The following OTOP2 variants were observed in gnomAD, a reference collection of about 807,000 sequenced individuals.
OTOP2 encodes the protein otopetrin 2, also known as proton channel OTOP2.
In OTOP2, 41 loss-of-function variants were observed where a neutral mutation model predicts 47.4. That is an observed-to-expected ratio of 0.87 (90% confidence interval 0.67 to 1.12). The LOEUF (loss-of-function observed/expected upper bound fraction) is 1.12. OTOP2 is among the 50% of genes most tolerant of loss of function. The pLI is 0.00. For missense variants in OTOP2, 721 were observed against 752.2 expected, an observed-to-expected ratio of 0.96 and a Z score of 0.49; for synonymous variants, 328 against 319.6, an observed-to-expected ratio of 1.03 and a Z score of -0.28.
intron 2 of OTOP2, 105 bp downstream of exon 2, chr17:74,925,050 GCT>G: frequency 7.4e-7 from 1 of 1,347,142 alleles, no homozygotes; most frequent in Non-Finnish European, 9.9e-7. Flanking sequence ...AGGGCGAGAG[GCT>G]CCCTAGGGAG....
chr17:74,932,842 G>C (rs912877138), intron 6 of OTOP2, among the ~76,000 whole-genome samples: 3 of 152,198 alleles, frequency 2.0e-5, no homozygotes, highest in Non-Finnish European at 4.4e-5. Context: ...AGCCAGAGAG[G>C]AAGCAGGATT....
At chr17:74,925,449 C>A in intron 2 of OTOP2, 107 bp from the exon 3 acceptor site, 1 of 1,457,312 alleles carries the variant, frequency 6.9e-7, no homozygotes, top group Non-Finnish European at 9.4e-7. Context: ...CTCACCCATC[C>A]ACCCACCCAT....
In OTOP2 at chr17:74,924,682, G is replaced by A. The variant is rs766606023; in HGVS notation, c.50G>A (p.Arg17His). 5.0e-6 allele frequency: 8 copies of A among 1,598,094 alleles called. 1 individual carries two copies. In the East Asian group the frequency reaches 1.1e-4, roughly 22 times the overall value. ...CCCAAGGAGAGCCCCCCGGCGCCGC[G>A]TGCGGGCCCCAGGGAGGTGTGGAAG... ...QGPKESPPAP[R>H]AGPREVWKKG... The change falls in exon 2 of 7, where the codon CGT becomes CAT. Residue 17 changes from arginine to histidine, a missense_variant. Arg to His is a conservative substitution (Grantham distance 29, BLOSUM62 0). Coordinates refer to ENST00000331427, the MANE Select transcript of OTOP2 (RefSeq NM_178160.3). The surrounding 1 kb of genome is among the most constrained non-coding windows in gnomAD (Gnocchi z 7.7).
In OTOP2 at chr17:74,924,962, G is replaced by C. The variant is rs767451528; in HGVS notation, c.313+17G>C. On this transcript the variant is annotated intron_variant, in intron 2 of 6. Transcript: ENST00000331427. The surrounding 1 kb of genome is among the most constrained non-coding windows in gnomAD (Gnocchi z 7.7). Reference sequence around the variant, plus strand: ...GGCTCCGAGGTGCCAGGGGAGGTGGGGGCGAGGTAGGGTGGGCACAACAGG... The same window carrying C: ...GGCTCCGAGGTGCCAGGGGAGGTGGCGGCGAGGTAGGGTGGGCACAACAGG... The C allele has an allele frequency of 3.2e-5, 49 of 1,535,944 alleles. No homozygotes were observed. Among genetic ancestry groups the C allele is most frequent in the Non-Finnish European group, 4.1e-5 (47 of 1,138,684 alleles).
chr17:74,929,739 C>G (rs2039038498), intron 5 of OTOP2, among the ~76,000 whole-genome samples: 1 of 152,156 alleles, frequency 6.6e-6, no homozygotes, highest in African/African-American at 2.4e-5. Context: ...ACTGTTCTTA[C>G]TGAGCACTGA....
In OTOP2 at chr17:74,930,391, C is replaced by G. The variant is rs1429475850; in HGVS notation, c.756C>G (p.Leu252=). 4 of 1,614,202 alleles carry G rather than the reference C, an allele frequency of 2.5e-6. No homozygotes were observed. The South Asian group carries it at 4.4e-5, about 18-fold the overall frequency. ...ATCCCTTCAACATCGAGTACAGCCT[C>G]TTCGCCTCCACCATGCTGTATGTCA... is the stretch of plus-strand genomic sequence containing the variant. ...YLYPFNIEYS[L]FASTMLYVMW... Residue 252 remains leucine (L), a synonymous_variant, in exon 6 of 7, where the codon CTC becomes CTG. Transcript: ENST00000331427. This position sits in a 1 kb window ranked among gnomAD's most constrained non-coding sequence, Gnocchi z 4.0.
rs910546048 is a variant in OTOP2 at position 74,933,876 on chromosome 17, C to A, written c.*331C>A. 9.1e-6 allele frequency: 2 copies of A among 220,132 alleles called. No individual in the cohort carries two copies. Among genetic ancestry groups the A allele is most frequent in the Admixed American group, 5.3e-5 (1 of 19,024 alleles). The allele number at this position is 220,132 out of a possible 1,614,324, so 13.6% of individuals were successfully genotyped here. ...GCTGTGGCCTGGCCAGTGTACTGCC[C>A]GGAGCTGGAAACCAATAAACCTGTG... On this transcript the variant is annotated 3_prime_UTR_variant, in exon 7 of 7. Coordinates refer to ENST00000331427, the MANE Select transcript of OTOP2 (RefSeq NM_178160.3). This position sits in a 1 kb window ranked among gnomAD's most constrained non-coding sequence, Gnocchi z 4.7.
chr17:74,924,607 T>A lies in OTOP2; in HGVS notation c.-26T>A. ...TCCGCTCCTCCCCTACAGTGATCCC[T>A]CTAGCCTTCTCCAGTCGCCTCCGCC... On this transcript the variant is annotated 5_prime_UTR_variant, in exon 2 of 7. Coordinates refer to ENST00000331427, the MANE Select transcript of OTOP2 (RefSeq NM_178160.3). The surrounding 1 kb of genome is among the most constrained non-coding windows in gnomAD (Gnocchi z 7.7). 1 of 1,531,122 alleles carries A rather than the reference T, an allele frequency of 6.5e-7. No individual in the cohort carries two copies. Among genetic ancestry groups the A allele is most frequent in the Non-Finnish European group, 8.7e-7 (1 of 1,145,106 alleles). 94.8% of individuals were successfully genotyped at this position (1,531,122 alleles called of 1,614,324 possible).
At chr17:74,927,396 C>A in intron 4 of OTOP2, 115 bp downstream of exon 4, 1 of 1,249,574 alleles carries the variant, frequency 8.0e-7, no homozygotes, top group African/African-American at 1.5e-5. Flanking sequence ...GGTGGGGTTG[C>A]AGCCAAGCCC....
In OTOP2 at chr17:74,930,687, G is replaced by A. The variant is rs143874190; in HGVS notation, c.1052G>A (p.Arg351His). 2.2e-5 allele frequency: 36 copies of A among 1,613,920 alleles called. No homozygotes were observed. The highest frequency in any genetic ancestry group is 1.6e-4 in the Middle Eastern group (1 of 6,084). ...LVSLSGSIIYRFDRRAMDHHK... is the reference protein window; with the variant it reads ...LVSLSGSIIYHFDRRAMDHHK... ...AGCCTGAGCGGCTCCATCATCTACC[G>A]TTTTGACCGCCGGGCCATGGACCAC... The change falls in exon 6 of 7, where the codon CGT (arginine) becomes CAT (histidine). Residue 351 changes from arginine to histidine, a missense_variant. Physicochemically the swap from Arg to His is conservative, Grantham distance 29. Coordinates refer to ENST00000331427, the MANE Select transcript of OTOP2 (RefSeq NM_178160.3). The surrounding 1 kb of genome is among the most constrained non-coding windows in gnomAD (Gnocchi z 4.0).
chr17:74,927,066 C>T (rs1392428501), intron 3 of OTOP2, among the ~76,000 whole-genome samples, 157 bp from the exon 4 acceptor site: 2 of 152,246 alleles, frequency 1.3e-5, no homozygotes, highest in African/African-American at 2.4e-5. Context: ...TGAGCCACTG[C>T]ACCCAGCCTC....
intron 3 of OTOP2, among the ~76,000 whole-genome samples, chr17:74,926,882 A>G (rs1459215046): frequency 6.6e-6 from 1 of 151,966 alleles, no homozygotes; most frequent in African/African-American, 2.4e-5. Context: ...CAGCCTCCCA[A>G]GTAGCTGGGA....
At chr17:74,929,891 T>A (rs1358004091) in intron 5 of OTOP2, among the ~76,000 whole-genome samples, 1 of 149,772 alleles carries the variant, frequency 6.7e-6, no homozygotes, top group East Asian at 1.9e-4. Flanking sequence ...TTAACAAAGG[T>A]CACAAGCTAG....
intron 4 of OTOP2, 21 bp from the exon 5 acceptor site, chr17:74,927,644 C>A: frequency 1.9e-6 from 3 of 1,604,190 alleles, no homozygotes; most frequent in Non-Finnish European, 1.7e-6. Context: ...CCTCTTTGTC[C>A]CCACCCCTGA....
At chr17:74,932,636 C>T (rs2039070327) in intron 6 of OTOP2, among the ~76,000 whole-genome samples, 1 of 152,232 alleles carries the variant, frequency 6.6e-6, no homozygotes, top group Non-Finnish European at 1.5e-5. Flanking sequence ...TTCTGGGAGG[C>T]TATTCTTGCT....
At chr17:74,925,508 C>T in intron 2 of OTOP2, 48 bp from the exon 3 acceptor site, 1 of 1,602,388 alleles carries the variant, frequency 6.2e-7, no homozygotes, top group Non-Finnish European at 8.5e-7. Context: ...GGCCTTCTCT[C>T]CTGCCTCTTT....
chr17:74,925,087 TG>T, intron 2 of OTOP2, 142 bp downstream of exon 2: 1 of 1,088,134 alleles, frequency 9.2e-7, no homozygotes, highest in Non-Finnish European at 1.3e-6. Context: ...GAGGGTGAAG[TG>T]GGCTGCAGTT....
At position 74,925,671 on chromosome 17, in the gene OTOP2, G is replaced by A; in HGVS notation, c.429G>A (p.Gln143=). Residue 143 remains glutamine, a synonymous_variant, in exon 3 of 7, where the codon CAG becomes CAA. Coordinates refer to ENST00000331427, the MANE Select transcript of OTOP2 (RefSeq NM_178160.3). ...SAIKILHPLI[Q]AVFVIIQTYF... is the part of the protein sequence containing the mutation. Reference sequence around the variant, plus strand: ...TCAAGATCCTGCACCCCCTCATCCAGGCTGTGTTTGTCATCATCCAGGTGG... The same window carrying A: ...TCAAGATCCTGCACCCCCTCATCCAAGCTGTGTTTGTCATCATCCAGGTGG... 1 of 1,614,168 alleles carries A rather than the reference G, an allele frequency of 6.2e-7. No individual in the cohort carries two copies. Among genetic ancestry groups the A allele is most frequent in the Non-Finnish European group, 8.5e-7 (1 of 1,180,022 alleles).
In OTOP2 at chr17:74,930,513, C is replaced by T. The variant is rs1307002960; in HGVS notation, c.878C>T (p.Pro293Leu). Residue 293 changes from proline (P) to leucine (L), a missense_variant, in exon 6 of 7, where the codon CCG becomes CTG. By Grantham distance (98) the Pro-to-Leu change is moderately conservative. Coordinates refer to ENST00000331427, the MANE Select transcript of OTOP2 (RefSeq NM_178160.3). This position sits in a 1 kb window ranked among gnomAD's most constrained non-coding sequence, Gnocchi z 4.0. The part of the protein sequence containing the change: ...SLFRETFFAG[P>L]VLGLLLFVVG... The stretch of plus-strand genomic sequence containing the variant: ...TTCCGGGAGACCTTTTTTGCTGGCC[C>T]GGTTCTGGGCCTGCTGCTCTTCGTG... 5.6e-6 allele frequency: 9 copies of T among 1,612,828 alleles called. No homozygotes were observed. Among genetic ancestry groups the T allele is most frequent in the South Asian group, 1.1e-5 (1 of 91,054 alleles).
Sources: allele counts gnomAD v4.1 joint callset (sites outside exome capture counted in the v4.1 genomes callset), GRCh38; gene constraint gnomAD v4.1.1; non-coding constraint Gnocchi (gnomAD v3.1); transcripts MANE v1.5; gene names NCBI Gene and HGNC (gene_info 2026-07-23, HGNC 2026-07-21).